DCANP1: variants seen among roughly 807,000 people sequenced by gnomAD.
DCANP1 encodes dendritic cell associated nuclear protein 1.
For synonymous variants in DCANP1, 139 were observed against 124.2 expected (o/e 1.12, Z -0.79); for missense variants, 328 against 293.7 (o/e 1.12, Z -0.85).
chr5:135,447,242 A>G lies in DCANP1; in HGVS notation c.-134T>C. The G allele has an allele frequency of 4.6e-6, 5 of 1,077,230 alleles. No individual in the cohort carries two copies. The South Asian group carries it at 4.8e-5, about 10-fold the overall frequency. 66.7% of individuals were successfully genotyped at this position (1,077,230 alleles called of 1,614,324 possible). On this transcript the variant is annotated 5_prime_UTR_variant, in exon 1 of 1. Transcript: ENST00000503143. ...CTAACCCTGCCTATTGGACCTTCTG[A>G]TGCAAGGAGCAGATTAAAATCCCCT...
the DCANP1 span, chr5:135,446,878 TG>T: frequency 6.2e-7 from 1 of 1,613,838 alleles, no homozygotes; most frequent in African/African-American, 1.3e-5. Context: ...GGACCCCAGC[TG>T]GCAAGGTTTT....
rs375868418 is a variant in DCANP1, at chr5:135,446,737, C to T, written c.372G>A (p.Arg124=). 27 of 1,613,944 alleles carry T rather than the reference C, an allele frequency of 1.7e-5. No individual in the cohort carries two copies. The African/African-American group carries it at 2.7e-4, about 16-fold the overall frequency. Residue 124 remains arginine, a synonymous_variant, in exon 1 of 1, where the codon AGG becomes AGA. Transcript: ENST00000503143. ...CCAGATGTTTCCGGGCTCCCTCCCG[C>T]CTGGTCTGGCCTGTCTTCCTTCTGC... ...HSSRRKTGQT[R]REGARKHLVC...
Position 135,445,906 on chromosome 5 carries a change from A to C in DCANP1, c.*468T>G, listed in dbSNP as rs1561706438. On this transcript the variant is annotated 3_prime_UTR_variant, in exon 1 of 1. Coordinates refer to ENST00000503143, the MANE Select transcript of DCANP1 (RefSeq NM_130848.3). ...CGAGGGTTAAAATACCTTAAAGGGCAAGGAGATGATTTCTAGATTTCCAGA... is the reference window on the plus strand; with the variant it reads ...CGAGGGTTAAAATACCTTAAAGGGCCAGGAGATGATTTCTAGATTTCCAGA... The C allele has an allele frequency of 6.5e-6, 1 of 153,900 alleles. No individual in the cohort carries two copies. Among genetic ancestry groups the C allele is most frequent in the Non-Finnish European group, 1.4e-5 (1 of 69,310 alleles). The allele number at this position is 153,900 out of a possible 1,614,324, so 9.5% of individuals were successfully genotyped here.
Position 135,446,882 on chromosome 5 carries a change from A to G in DCANP1, c.227T>C (p.Leu76Ser). 1.9e-6 allele frequency: 3 copies of G among 1,613,828 alleles called. No homozygotes were observed. The highest frequency in any genetic ancestry group is 2.5e-6 in the Non-Finnish European group (3 of 1,179,812). ...CCCCTCTCGCAGGACCCCAGCTGGCAAGGTTTTGTTCCTCCCTGGAGGGTA... is the reference window on the plus strand; with the variant it reads ...CCCCTCTCGCAGGACCCCAGCTGGCGAGGTTTTGTTCCTCCCTGGAGGGTA... ...GLYPPGRNKT[L>S]PAGVLREGAV... Residue 76 changes from leucine to serine, a missense_variant, in exon 1 of 1, where the codon TTG (leucine) becomes TCG (serine). Leu to Ser is a moderately radical substitution (Grantham distance 145, BLOSUM62 -2). Coordinates refer to ENST00000503143, the MANE Select transcript of DCANP1 (RefSeq NM_130848.3).
chr5:135,447,058 C>T lies in DCANP1; in HGVS notation c.51G>A (p.Leu17=). The T allele has an allele frequency of 6.2e-7, 1 of 1,614,044 alleles. No homozygotes were observed. Among genetic ancestry groups the T allele is most frequent in the East Asian group, 2.2e-5 (1 of 44,876 alleles). Residue 17 remains leucine (L), a synonymous_variant, in exon 1 of 1, where the codon CTG becomes CTA. Coordinates refer to ENST00000503143, the MANE Select transcript of DCANP1 (RefSeq NM_130848.3). ...GTCTTTGGTGTCCAGGTACAGTCTC[C>T]AGGCCGTGGCTTCTCGAGTTCTGTA... ...THIQNSRSHG[L]ETVPGHQRLE... is the part of the protein sequence containing the mutation.
rs1769215159 is a variant in DCANP1 at position 135,444,336 on chromosome 5, GC to G, written c.*2037del. On this transcript the variant is annotated 3_prime_UTR_variant, in exon 1 of 1. Coordinates refer to ENST00000503143, the MANE Select transcript of DCANP1 (RefSeq NM_130848.3). The stretch of plus-strand genomic sequence containing the variant: ...AAATTCGGCATCTCCTCTTAACTGG[GC>G]TGGGTTGTTTACTCCTCCCACAGTC... The G allele has an allele frequency of 6.6e-6, 1 of 152,226 alleles. No individual in the cohort carries two copies. Among genetic ancestry groups the G allele is most frequent in the South Asian group, 2.1e-4 (1 of 4,832 alleles). 9.4% of individuals were successfully genotyped at this position (152,226 alleles called of 1,614,324 possible).
chr5:135,446,891 T>C lies in DCANP1; in HGVS notation c.218A>G (p.Asn73Ser), dbSNP rs776327512. The C allele has an allele frequency of 1.2e-5, 19 of 1,613,572 alleles. No homozygotes were observed. Among genetic ancestry groups the C allele is most frequent in the Admixed American group, 8.3e-5 (5 of 59,986 alleles). ...LSEGLYPPGR[N>S]KTLPAGVLRE... The stretch of plus-strand genomic sequence containing the variant: ...CAGGACCCCAGCTGGCAAGGTTTTG[T>C]TCCTCCCTGGAGGGTAGAGACCCTC... Residue 73 changes from asparagine to serine, a missense_variant, in exon 1 of 1, where the codon AAC becomes AGC. Asn to Ser is a conservative substitution (Grantham distance 46, BLOSUM62 1). Coordinates refer to ENST00000503143, the MANE Select transcript of DCANP1 (RefSeq NM_130848.3).
rs754632549 is a variant in DCANP1 at position 135,446,862 on chromosome 5, C to T, written c.247G>A (p.Glu83Lys). The change falls in exon 1 of 1, where the codon GAG becomes AAG. Residue 83 changes from glutamate (E) to lysine (K), a missense_variant. Physicochemically the swap from Glu to Lys is moderately conservative, Grantham distance 56. Transcript: ENST00000503143. The part of the protein sequence containing the change: ...NKTLPAGVLR[E>K]GAVQFLHRGL... ...CTGTGGAGGAATTGAACTGCCCCCT[C>T]TCGCAGGACCCCAGCTGGCAAGGTT... 1.9e-6 allele frequency: 3 copies of T among 1,613,808 alleles called. No homozygotes were observed. The African/African-American group carries it at 4.0e-5, about 22-fold the overall frequency.
rs67187482 is a variant in DCANP1 at position 135,446,706 on chromosome 5, T to A, written c.403A>T (p.Ser135Cys). 0.027 allele frequency: 44,326 copies of A among 1,613,610 alleles called. 2,760 individuals carry two copies. Among genetic ancestry groups the A allele is most frequent in the African/African-American group, 0.25 (19,067 of 74,946 alleles). ...REGARKHLVCSFRLYPFTVHT... is the reference protein window; with the variant it reads ...REGARKHLVCCFRLYPFTVHT... The stretch of plus-strand genomic sequence containing the variant: ...ACTGTGAACGGGTAGAGTCTGAAAC[T>A]ACAAACCAGATGTTTCCGGGCTCCC... The change falls in exon 1 of 1, where the codon AGT (serine) becomes TGT (cysteine). Residue 135 changes from serine to cysteine, a missense_variant. By Grantham distance (112) the Ser-to-Cys change is moderately radical. Transcript: ENST00000503143.
In DCANP1 at chr5:135,446,279, A is replaced by G. The variant is rs1769258286; in HGVS notation, c.*95T>C. The G allele has an allele frequency of 9.0e-6, 13 of 1,447,470 alleles. No individual in the cohort carries two copies. Among genetic ancestry groups the G allele is most frequent in the Non-Finnish European group, 9.3e-7 (1 of 1,072,986 alleles). 89.7% of individuals were successfully genotyped at this position (1,447,470 alleles called of 1,614,324 possible). ...TTCTAACCCAGGCAGCAGTCTGACC[A>G]GAGGGCCCTAGCTGGGAGCAGCGTT... On this transcript the variant is annotated 3_prime_UTR_variant, in exon 1 of 1. Coordinates refer to ENST00000503143, the MANE Select transcript of DCANP1 (RefSeq NM_130848.3).
rs1769226716 is a variant in DCANP1 at position 135,444,819 on chromosome 5, G to A, written c.*1555C>T. The A allele has an allele frequency of 6.6e-6, 1 of 152,254 alleles. No homozygotes were observed. Among genetic ancestry groups the A allele is most frequent in the Non-Finnish European group, 1.5e-5 (1 of 68,076 alleles). 9.4% of individuals were successfully genotyped at this position (152,254 alleles called of 1,614,324 possible). A position where few individuals can be genotyped will look rare whatever the true frequency, so the allele number is the denominator to read the frequency against. ...TCTGTAGTGACCGTCCATTTGAAGG[G>A]ATAGGGAAATATTCCCTCAGTGTCC... On this transcript the variant is annotated 3_prime_UTR_variant, in exon 1 of 1. Transcript: ENST00000503143.
Position 135,446,853 on chromosome 5 carries a change from C to G in DCANP1, c.256G>C (p.Val86Leu). The G allele has an allele frequency of 6.2e-7, 1 of 1,613,942 alleles. No individual in the cohort carries two copies. Among genetic ancestry groups the G allele is most frequent in the South Asian group, 1.1e-5 (1 of 91,074 alleles). Reference protein sequence around the residue: ...LPAGVLREGAVQFLHRGLCNS... With the variant: ...LPAGVLREGALQFLHRGLCNS... Reference sequence around the variant, plus strand: ...CAGAGTCCCCTGTGGAGGAATTGAACTGCCCCCTCTCGCAGGACCCCAGCT... The same window carrying G: ...CAGAGTCCCCTGTGGAGGAATTGAAGTGCCCCCTCTCGCAGGACCCCAGCT... The change falls in exon 1 of 1, where the codon GTT becomes CTT. Residue 86 changes from valine to leucine, a missense_variant. Physicochemically the swap from Val to Leu is conservative, Grantham distance 32. Transcript: ENST00000503143.
In DCANP1 at chr5:135,446,364, G is replaced by A. The variant is rs115662828; in HGVS notation, c.*10C>T. The A allele has an allele frequency of 1.9e-3, 2,962 of 1,587,956 alleles. 30 individuals are homozygous for A. In the African/African-American group the frequency reaches 0.025, roughly 13 times the overall value. On this transcript the variant is annotated 3_prime_UTR_variant, in exon 1 of 1. Coordinates refer to ENST00000503143, the MANE Select transcript of DCANP1 (RefSeq NM_130848.3). ...TGTGCATACTTGCGTGTGTGCACAC[G>A]CACACATGTTCACTCAGGCACGTGG...
chr5:135,446,662 TC>T, the DCANP1 span: 2 of 1,614,000 alleles, frequency 1.2e-6, no homozygotes, highest in Non-Finnish European at 1.7e-6. Flanking sequence ...GGTGTGAGTT[TC>T]CCGGTGAGAC....
rs1481376902 is a variant in DCANP1 at position 135,446,539 on chromosome 5, A to G, written c.570T>C (p.Ser190=). ...CAGCCTGACGGTTCCAGCTGTTAGGAGAAAGTGAAGGTGGGTGCCATGGAT... is the reference window on the plus strand; with the variant it reads ...CAGCCTGACGGTTCCAGCTGTTAGGGGAAAGTGAAGGTGGGTGCCATGGAT... ...SSDPWHPPSL[S]PNSWNRQAGF... is the part of the protein sequence containing the mutation. Residue 190 remains serine (S), a synonymous_variant, in exon 1 of 1, where the codon TCT becomes TCC. Transcript: ENST00000503143. 1 of 1,613,960 alleles carries G rather than the reference A, an allele frequency of 6.2e-7. No homozygotes were observed. Among genetic ancestry groups the G allele is most frequent in the Middle Eastern group, 1.6e-4 (1 of 6,062 alleles).
Position 135,447,211 on chromosome 5 carries a change from A to G in DCANP1, c.-103T>C. The G allele has an allele frequency of 7.0e-7, 1 of 1,431,482 alleles. No homozygotes were observed. The highest frequency in any genetic ancestry group is 9.7e-7 in the Non-Finnish European group (1 of 1,032,890). The allele number at this position is 1,431,482 out of a possible 1,614,324, so 88.7% of individuals were successfully genotyped here. A position where few individuals can be genotyped will look rare whatever the true frequency, so the allele number is the denominator to read the frequency against. Reference sequence around the variant, plus strand: ...TGCCAGCCCTACCAGGGCATCTCCCATTATACTAACCCTGCCTATTGGACC... The same window carrying G: ...TGCCAGCCCTACCAGGGCATCTCCCGTTATACTAACCCTGCCTATTGGACC... On this transcript the variant is annotated 5_prime_UTR_variant, in exon 1 of 1. The change abolishes an upstream ATG in the 5' untranslated region. Coordinates refer to ENST00000503143, the MANE Select transcript of DCANP1 (RefSeq NM_130848.3).
Position 135,446,783 on chromosome 5 carries a change from G to A in DCANP1, c.326C>T (p.Thr109Ile), listed in dbSNP as rs1769274019. 2 of 1,613,842 alleles carry A rather than the reference G, an allele frequency of 1.2e-6. No individual in the cohort carries two copies. The highest frequency in any genetic ancestry group is 1.7e-5 in the Admixed American group (1 of 60,012). Residue 109 changes from threonine (T) to isoleucine (I), a missense_variant, in exon 1 of 1, where the codon ACC becomes ATC. Transcript: ENST00000503143. ...TCTGCTGCTATGCAGTTCATCCTGG[G>A]TCCCTGAGGGCCTCGCAGATGCTTC... ...SSEASARPSG[T>I]QDELHSSRRK...
At position 135,444,744 on chromosome 5, in the gene DCANP1, C is replaced by T. The variant is rs187055048; in HGVS notation, c.*1630G>A. On this transcript the variant is annotated 3_prime_UTR_variant, in exon 1 of 1. Transcript: ENST00000503143. ...TCCCATTCCAGCTCTGCTATTTAGA[C>T]ACCGGGAGACCTGGAAACAGCCCCT... is the stretch of plus-strand genomic sequence containing the variant. The T allele has an allele frequency of 2.6e-5, 4 of 152,376 alleles. No individual in the cohort carries two copies. The East Asian group carries it at 7.7e-4, about 29-fold the overall frequency. The allele number at this position is 152,376 out of a possible 1,614,324, so 9.4% of individuals were successfully genotyped here.
chr5:135,446,746 G>A lies in DCANP1; in HGVS notation c.363C>T (p.Gly121=). 6.2e-7 allele frequency: 1 copy of A among 1,613,968 alleles called. No homozygotes were observed. The highest frequency in any genetic ancestry group is 8.5e-7 in the Non-Finnish European group (1 of 1,179,866). ...TCCGGGCTCCCTCCCGCCTGGTCTG[G>A]CCTGTCTTCCTTCTGCTGCTATGCA... is the stretch of plus-strand genomic sequence containing the variant. The part of the protein sequence containing the change: ...DELHSSRRKT[G]QTRREGARKH... The change falls in exon 1 of 1, where the codon GGC becomes GGT. Residue 121 remains glycine (G), a synonymous_variant. Transcript: ENST00000503143.
Sources: gnomAD v4.1 joint callset for allele counts on GRCh38, gnomAD v4.1.1 for gene constraint, MANE v1.5 for transcripts, NCBI Gene and HGNC (gene_info 2026-07-23, HGNC 2026-07-21) for gene names.